FHOD3: variants seen among roughly 807,000 people sequenced by gnomAD.
FHOD3 encodes the protein formin homology 2 domain containing 3, also known as FH1/FH2 domain-containing protein 3.
Under a neutral mutation model 173.0 loss-of-function variants are expected in FHOD3, and 90 were observed. The observed-to-expected ratio is 0.52, with a 90% CI of 0.44 to 0.62. The LOEUF is 0.62. Ranked by LOEUF, FHOD3 falls within the 20% of genes least tolerant of loss-of-function variation. The pLI is 0.00. For missense variants in FHOD3, 1,945 were observed against 2,034.7 expected (o/e 0.96, Z 0.85); for synonymous variants, 828 against 823.0 (o/e 1.01, Z -0.10).
intron 3 of FHOD3, among the ~76,000 whole-genome samples, chr18:36,436,396 A>G (rs1319270448): frequency 1.3e-5 from 2 of 152,242 alleles, no homozygotes; most frequent in African/African-American, 4.8e-5. Context: ...TGAATTAGAC[A>G]ACCAGATTTG....
At chr18:36,665,320 A>G (rs973460348) in intron 14 of FHOD3, among the ~76,000 whole-genome samples, 42 of 152,220 alleles carry the variant, frequency 2.8e-4, no homozygotes, top group African/African-American at 9.9e-4. Context: ...ATTGAATCAG[A>G]CACAGTCCCT....
intron 3 of FHOD3, among the ~76,000 whole-genome samples, chr18:36,418,151 A>G (rs2049773677): frequency 6.6e-6 from 1 of 152,184 alleles, no homozygotes; most frequent in Non-Finnish European, 1.5e-5. Context: ...GTGGGTTGCC[A>G]TTTGGAATTT....
rs945604658 is a variant in FHOD3, at chr18:36,379,904, A to C, written c.337+7160A>C. On this transcript the variant is annotated intron_variant, in intron 3 of 28. Coordinates refer to ENST00000590592, the MANE Select transcript of FHOD3 (RefSeq NM_001281740.3). ...ACAAAATGCTTTGTCTTATTTATAG[A>C]AATTTTGGTATCCAGAGGGTGTGGG... Among the ~76,000 whole-genome samples the C allele has an allele frequency of 3.3e-5, 5 of 152,298 alleles. No homozygotes were observed. In the South Asian group the frequency reaches 1.0e-3, roughly 32 times the overall value.
At chr18:36,499,843 T>C (rs1315246348) in intron 3 of FHOD3, among the ~76,000 whole-genome samples, 1 of 152,192 alleles carries the variant, frequency 6.6e-6, no homozygotes, top group Non-Finnish European at 1.5e-5. Flanking sequence ...TGATGCATTT[T>C]TCTCTTAATC....
intron 17 of FHOD3, among the ~76,000 whole-genome samples, chr18:36,707,737 C>G (rs528225523): frequency 2.0e-5 from 3 of 152,294 alleles, no homozygotes; most frequent in East Asian, 1.9e-4. Context: ...GTGCCCATTA[C>G]CTGGTGCCGC....
Position 36,576,424 on chromosome 18 carries a change from G to A in FHOD3, c.512-27G>A, listed in dbSNP as rs773854352. 3.0e-5 allele frequency: 45 copies of A among 1,524,234 alleles called. 2 individuals are homozygous for A. In the South Asian group the frequency reaches 4.7e-4, roughly 16 times the overall value. The allele number at this position is 1,524,234 out of a possible 1,614,324, so 94.4% of individuals were successfully genotyped here. ...TTATATTTCTATATACATCTATAATGTCTCCTTTTTCTCTTGTTTTCTGTA... is the reference window on the plus strand; with the variant it reads ...TTATATTTCTATATACATCTATAATATCTCCTTTTTCTCTTGTTTTCTGTA... On this transcript the variant is annotated intron_variant, in intron 5 of 28. Transcript: ENST00000590592.
chr18:36,373,523 G>A (rs549712266), intron 3 of FHOD3, among the ~76,000 whole-genome samples: 1 of 152,262 alleles, frequency 6.6e-6, no homozygotes, highest in African/African-American at 2.4e-5. Flanking sequence ...GGAGACCCAG[G>A]GATGGGGAGA....
chr18:36,370,051 G>A (rs150769505), intron 2 of FHOD3, among the ~76,000 whole-genome samples: 3 of 152,298 alleles, frequency 2.0e-5, no homozygotes, highest in African/African-American at 7.2e-5. Context: ...AGCAGGGGTA[G>A]GGAAGGGTGA....
chr18:36,764,748 A>G (rs1024526633), intron 27 of FHOD3, among the ~76,000 whole-genome samples: 1 of 152,244 alleles, frequency 6.6e-6, no homozygotes, highest in African/African-American at 2.4e-5. Flanking sequence ...TTCTCTGCAC[A>G]TTAATGCCAA....
intron 19 of FHOD3, among the ~76,000 whole-genome samples, chr18:36,718,943 A>T: frequency 6.6e-6 from 1 of 152,216 alleles, no homozygotes; most frequent in Non-Finnish European, 1.5e-5. Flanking sequence ...TATATTAGGC[A>T]AAGGAGCTTT....
chr18:36,298,141 C>T (rs1390666509), intron 1 of FHOD3, 141 bp downstream of exon 1: 2 of 718,784 alleles, frequency 2.8e-6, no homozygotes, highest in Non-Finnish European at 4.1e-6. Flanking sequence ...GGGCAAATCC[C>T]CCTCCCCGTT....
intron 3 of FHOD3, among the ~76,000 whole-genome samples, chr18:36,479,062 T>C (rs1463965393): frequency 2.0e-5 from 3 of 152,252 alleles, no homozygotes; most frequent in Non-Finnish European, 4.4e-5. Flanking sequence ...CTTTTGCATC[T>C]CTTCGCTTCC....
chr18:36,750,672 G>A (rs1353766175), intron 24 of FHOD3, among the ~76,000 whole-genome samples: 1 of 152,154 alleles, frequency 6.6e-6, no homozygotes, highest in South Asian at 2.1e-4. Context: ...TTTGTATATG[G>A]TGTAAGGAAA....
At chr18:36,299,474 A>G (rs2144319484) in intron 1 of FHOD3, among the ~76,000 whole-genome samples, 1 of 152,348 alleles carries the variant, frequency 6.6e-6, no homozygotes, top group Non-Finnish European at 1.5e-5. Flanking sequence ...CTCTGATTAC[A>G]GTGATCTTTT....
rs564552813 is a variant in FHOD3, at chr18:36,338,927, G to A, written c.166-16612G>A. ...ATGTGACAAAGTAGGAAGGAGAGCC[G>A]GGCACTGGCTACAGAGGGGAAGTTC... On this transcript the variant is annotated intron_variant, in intron 1 of 28. Coordinates refer to ENST00000590592, the MANE Select transcript of FHOD3 (RefSeq NM_001281740.3). Among the ~76,000 whole-genome samples the A allele has an allele frequency of 1.1e-4, 16 of 152,188 alleles. No homozygotes were observed. In the South Asian group the frequency reaches 1.2e-3, roughly 12 times the overall value.
chr18:36,749,890 T>C (rs2042327490), intron 24 of FHOD3, among the ~76,000 whole-genome samples: 1 of 152,230 alleles, frequency 6.6e-6, no homozygotes. Flanking sequence ...TGATGTGAGA[T>C]GGTATCTCAT....
At chr18:36,671,892 G>T (rs569472629) in intron 14 of FHOD3, among the ~76,000 whole-genome samples, 24 of 152,314 alleles carry the variant, frequency 1.6e-4, no homozygotes, top group African/African-American at 5.5e-4. Context: ...GTGAAGGAAC[G>T]AACCAATCAT....
At chr18:36,312,617 C>T (rs1224887171) in intron 1 of FHOD3, among the ~76,000 whole-genome samples, 1 of 152,210 alleles carries the variant, frequency 6.6e-6, no homozygotes, top group African/African-American at 2.4e-5. Context: ...GAATCACGTT[C>T]TGTTGATTAT....
intron 14 of FHOD3, among the ~76,000 whole-genome samples, chr18:36,663,274 C>T (rs1029877039): frequency 1.3e-5 from 2 of 152,050 alleles, no homozygotes; most frequent in African/African-American, 4.8e-5. Flanking sequence ...ATTGAATAAC[C>T]CTTTGTTTCC....
Sources: allele counts gnomAD v4.1 joint callset (sites outside exome capture counted in the v4.1 genomes callset), GRCh38; gene constraint gnomAD v4.1.1; transcripts MANE v1.5; gene names NCBI Gene and HGNC (gene_info 2026-07-23, HGNC 2026-07-21).